Variants in GIGYF2 observed in about 807,000 individuals in gnomAD.
GIGYF2 encodes the protein GRB10-interacting GYF protein 2.
A neutral mutation model predicts 208.1 loss-of-function variants in GIGYF2; 25 were observed. The observed-to-expected ratio is 0.12, with a 90% CI of 0.09 to 0.17. GIGYF2 has a LOEUF of 0.17. Ranked by LOEUF, GIGYF2 falls within the 10% of genes least tolerant of loss-of-function variation. The pLI is 1.00. For synonymous variants in GIGYF2, 534 were observed against 543.8 expected (o/e 0.98, Z 0.25); for missense variants, 1,302 against 1,579.4 (o/e 0.82, Z 2.98).
chr2:232,748,877 A>G, intron 4 of GIGYF2, 110 bp from the exon 5 acceptor site: 1 of 738,772 alleles, frequency 1.4e-6, no homozygotes. Flanking sequence ...ATCTGTATTT[A>G]TAATAATCAA....
chr2:232,734,109 C>CT (rs35593823), intron 2 of GIGYF2, among the ~76,000 whole-genome samples: 29,781 of 122,408 alleles, frequency 0.24, 3,568 homozygotes, highest in South Asian at 0.35. Flanking sequence ...TATTTTAAAA[C>CT]TTTTTTTTTT....
chr2:232,845,104 G>A (rs1701957169), intron 25 of GIGYF2, among the ~76,000 whole-genome samples: 1 of 152,136 alleles, frequency 6.6e-6, no homozygotes, highest in Non-Finnish European at 1.5e-5. Context: ...CCACTTATTA[G>A]CTGTGTGACC....
chr2:232,725,734 T>A (rs1697168960), intron 2 of GIGYF2, among the ~76,000 whole-genome samples: 1 of 152,248 alleles, frequency 6.6e-6, no homozygotes, highest in African/African-American at 2.4e-5. Flanking sequence ...ATTGTTTTTT[T>A]ATTAGACTGG....
chr2:232,713,433 A>G (rs1696523681), intron 2 of GIGYF2, among the ~76,000 whole-genome samples: 1 of 152,190 alleles, frequency 6.6e-6, no homozygotes, highest in Non-Finnish European at 1.5e-5. Flanking sequence ...TTTTTACAAC[A>G]ATTGTAGATT....
At position 232,791,272 on chromosome 2, in the gene GIGYF2, A is replaced by T; in HGVS notation, c.1108A>T (p.Thr370Ser). 1 of 1,613,594 alleles carries T rather than the reference A, an allele frequency of 6.2e-7. No homozygotes were observed. Among genetic ancestry groups the T allele is most frequent in the Non-Finnish European group, 8.5e-7 (1 of 1,179,850 alleles). ...TCGTGTTCCAGAAGCTAGTGAGGAA[A>T]CTCCCCAGACCTCATCATCATCTGC... ...DRVGVEASEE[T>S]PQTSSSSARP... The change falls in exon 12 of 29, where the codon ACT becomes TCT. Residue 370 changes from threonine (T) to serine (S), a missense_variant. Physicochemically the swap from Thr to Ser is moderately conservative, Grantham distance 58 (BLOSUM62 1). This residue lies in a region of GIGYF2 where 235 missense variants were observed against 218.8 expected (regional missense o/e 1.07). Coordinates refer to ENST00000373563, the MANE Select transcript of GIGYF2 (RefSeq NM_001103146.3).
intron 3 of GIGYF2, among the ~76,000 whole-genome samples, chr2:232,743,025 C>T (rs569137149): frequency 6.6e-6 from 1 of 152,296 alleles, no homozygotes; most frequent in East Asian, 1.9e-4. Context: ...TATTGACTAT[C>T]CAAATTGCTT....
At chr2:232,735,932 A>G (rs746868819) in intron 3 of GIGYF2, 94 of 984,264 alleles carry the variant, frequency 9.6e-5, no homozygotes, top group Non-Finnish European at 1.1e-4. Flanking sequence ...AACCTCGGGC[A>G]ACCCCTTTGG....
At chr2:232,804,713 G>A (rs1373786285) in intron 14 of GIGYF2, among the ~76,000 whole-genome samples, 1 of 152,028 alleles carries the variant, frequency 6.6e-6, no homozygotes. Context: ...GGCTGGTCTC[G>A]AACTCCTGAC....
At chr2:232,704,984 C>T (rs1184916485) in intron 2 of GIGYF2, among the ~76,000 whole-genome samples, 1 of 151,626 alleles carries the variant, frequency 6.6e-6, no homozygotes, top group African/African-American at 2.4e-5. Context: ...CTCAGCCTCC[C>T]AAGTAGCTGG....
rs1158055692 is a variant in GIGYF2 at position 232,859,298 on chromosome 2, T to C, written c.*2438T>C. Reference sequence around the variant, plus strand: ...TACCCTCTCTGCTTCCGGTTTTTTGTTTGGTTGGCTTTTTTGGAGATAGGG... The same window carrying C: ...TACCCTCTCTGCTTCCGGTTTTTTGCTTGGTTGGCTTTTTTGGAGATAGGG... On this transcript the variant is annotated 3_prime_UTR_variant, in exon 29 of 29. Transcript: ENST00000373563. 1 of 152,172 alleles carries C rather than the reference T, an allele frequency of 6.6e-6. No homozygotes were observed. Among genetic ancestry groups the C allele is most frequent in the Non-Finnish European group, 1.5e-5 (1 of 68,072 alleles). The allele number at this position is 152,172 out of a possible 1,614,324, so 9.4% of individuals were successfully genotyped here. A position where few individuals can be genotyped will look rare whatever the true frequency, so the allele number is the denominator to read the frequency against.
chr2:232,819,539 T>C (rs1701014574), intron 20 of GIGYF2, among the ~76,000 whole-genome samples: 1 of 152,218 alleles, frequency 6.6e-6, no homozygotes, highest in Admixed American at 6.5e-5. Context: ...TAGCTCTTTC[T>C]ACGGTTAATC....
chr2:232,743,218 G>A (rs1382749719), intron 3 of GIGYF2, among the ~76,000 whole-genome samples: 3 of 152,150 alleles, frequency 2.0e-5, no homozygotes, highest in Admixed American at 6.6e-5. Flanking sequence ...GGCACACTGC[G>A]TTTTGAAGTG....
intron 2 of GIGYF2, among the ~76,000 whole-genome samples, chr2:232,734,150 A>G (rs200327169): frequency 3.0e-5 from 4 of 132,750 alleles, no homozygotes; most frequent in Non-Finnish European, 4.7e-5. Flanking sequence ...GAGTCTCACT[A>G]TGTTGCCCAA....
chr2:232,817,736 T>G (rs1272114461), intron 20 of GIGYF2, among the ~76,000 whole-genome samples: 2 of 152,260 alleles, frequency 1.3e-5, no homozygotes, highest in Non-Finnish European at 2.9e-5. Flanking sequence ...TAATATTCCA[T>G]TGTGTGTTTA....
In GIGYF2 at chr2:232,748,121, G is replaced by T. The variant is rs186351381; in HGVS notation, c.171+377G>T. Among the ~76,000 whole-genome samples the T allele has an allele frequency of 3.7e-4, 57 of 152,252 alleles. 1 individual carries two copies. The highest frequency in any genetic ancestry group is 3.4e-3 in the Admixed American group (52 of 15,284). ...CTTAAAAATAAAGAGCCAACAGGAG[G>T]AGCACCTTCGGCTATATAAAATTTT... is the stretch of plus-strand genomic sequence containing the variant. On this transcript the variant is annotated intron_variant, in intron 4 of 28. Coordinates refer to ENST00000373563, the MANE Select transcript of GIGYF2 (RefSeq NM_001103146.3).
intron 14 of GIGYF2, among the ~76,000 whole-genome samples, chr2:232,796,786 G>A (rs1432875595): frequency 1.3e-5 from 2 of 152,136 alleles, no homozygotes; most frequent in African/African-American, 4.8e-5. Flanking sequence ...CTTGAACCCA[G>A]GAGGCAGAGG....
In GIGYF2 at chr2:232,858,694, A is replaced by G; in HGVS notation, c.*1834A>G. On this transcript the variant is annotated 3_prime_UTR_variant, in exon 29 of 29. Coordinates refer to ENST00000373563, the MANE Select transcript of GIGYF2 (RefSeq NM_001103146.3). ...TCTGCACTAAACTGTTCCTCTTGGT[A>G]CCATGGAAAAGCTCCAAGCACCCAA... 2.7e-6 allele frequency: 1 copy of G among 369,634 alleles called. No individual in the cohort carries two copies. 22.9% of individuals were successfully genotyped at this position (369,634 alleles called of 1,614,324 possible).
Position 232,844,585 on chromosome 2 carries a change from A to G in GIGYF2, c.3305+11A>G. 1.3e-6 allele frequency: 2 copies of G among 1,578,852 alleles called. No homozygotes were observed. The highest frequency in any genetic ancestry group is 1.1e-5 in the South Asian group (1 of 90,242). Reference sequence around the variant, plus strand: ...CAACGCCAGTCTCAGGTAGGGCTCAAAATGACCACACCTATGCACCTTGGT... The same window carrying G: ...CAACGCCAGTCTCAGGTAGGGCTCAGAATGACCACACCTATGCACCTTGGT... On this transcript the variant is annotated intron_variant, in intron 25 of 28. Transcript: ENST00000373563.
intron 20 of GIGYF2, among the ~76,000 whole-genome samples, chr2:232,818,682 A>T (rs1162407492): frequency 6.6e-6 from 1 of 151,536 alleles, no homozygotes; most frequent in African/African-American, 2.4e-5. Flanking sequence ...CCCAGGCTGG[A>T]GGTATATATT....
Sources: allele counts gnomAD v4.1 joint callset (sites outside exome capture counted in the v4.1 genomes callset), GRCh38; gene constraint gnomAD v4.1.1; regional missense constraint gnomAD v4.1.1; transcripts MANE v1.5; gene names NCBI Gene and HGNC (gene_info 2026-07-23, HGNC 2026-07-21).